The following INSYN2A variants were observed in gnomAD, a reference collection of about 807,000 sequenced individuals.
INSYN2A encodes family with sequence similarity 196 member A.
Under a neutral mutation model 39.4 loss-of-function variants are expected in INSYN2A, and 17 were observed. The ratio of observed to expected loss-of-function variants is 0.43; its 90% CI spans 0.30 to 0.65. INSYN2A has a LOEUF of 0.65. INSYN2A is among the 30% of genes least tolerant of loss of function. INSYN2A has a pLI of 0.14. For missense variants in INSYN2A, 595 were observed against 631.2 expected (o/e 0.94, Z 0.61); for synonymous variants, 255 against 265.7 (o/e 0.96, Z 0.39).
chr10:127,148,293 C>T (rs539838737), intron 5 of INSYN2A, among the ~76,000 whole-genome samples: 12 of 152,156 alleles, frequency 7.9e-5, no homozygotes, highest in Non-Finnish European at 1.5e-4. Context: ...GCAGACACAG[C>T]GTGCTCCGGG....
chr10:127,179,318 T>C (rs2055486998), intron 2 of INSYN2A, among the ~76,000 whole-genome samples: 1 of 152,200 alleles, frequency 6.6e-6, no homozygotes, highest in Non-Finnish European at 1.5e-5. Context: ...AATTCTAAGC[T>C]CTTCTCTGTT....
intron 1 of INSYN2A, 24 bp downstream of exon 1, chr10:127,195,973 G>A (rs1300800399): frequency 6.6e-6 from 1 of 152,086 alleles, no homozygotes; most frequent in African/African-American, 2.4e-5. Flanking sequence ...GGCGCGGGAG[G>A]AGGGCACGCG....
At chr10:127,147,996 AC>A (rs1476713454) in intron 5 of INSYN2A, among the ~76,000 whole-genome samples, 1 of 128,448 alleles carries the variant, frequency 7.8e-6, no homozygotes, top group Non-Finnish European at 1.6e-5. Flanking sequence ...GCACCACTGC[AC>A]TCCAGCCTGG....
At chr10:127,192,570 C>T (rs962779083) in intron 2 of INSYN2A, 35 bp downstream of exon 2, 5 of 152,200 alleles carry the variant, frequency 3.3e-5, no homozygotes, top group Admixed American at 6.5e-5. Flanking sequence ...AAAGCACGTA[C>T]GACTCAAATG....
intron 4 of INSYN2A, among the ~76,000 whole-genome samples, chr10:127,172,189 T>G (rs1163431391): frequency 1.3e-5 from 2 of 152,224 alleles, no homozygotes; most frequent in Non-Finnish European, 2.9e-5. Context: ...GCCCTGTGAA[T>G]CCCTCGTTCT....
chr10:127,177,753 G>A (rs2055313140), intron 2 of INSYN2A, among the ~76,000 whole-genome samples: 2 of 152,228 alleles, frequency 1.3e-5, no homozygotes, highest in Non-Finnish European at 2.9e-5. Flanking sequence ...TATGACATGC[G>A]CAGCATGGCC....
chr10:127,183,167 A>C (rs537025049), intron 2 of INSYN2A, among the ~76,000 whole-genome samples: 24 of 151,932 alleles, frequency 1.6e-4, no homozygotes, highest in Non-Finnish European at 2.4e-4. Flanking sequence ...TTCCCCCCTA[A>C]AAATGACTTA....
chr10:127,182,820 G>T (rs1225085353), intron 2 of INSYN2A, among the ~76,000 whole-genome samples: 1 of 151,988 alleles, frequency 6.6e-6, no homozygotes, highest in Non-Finnish European at 1.5e-5. Flanking sequence ...AGACAGGAGG[G>T]CTGTGCTTTG....
At chr10:127,140,986 C>T (rs1206452857) in intron 5 of INSYN2A, among the ~76,000 whole-genome samples, 1 of 152,178 alleles carries the variant, frequency 6.6e-6, no homozygotes, top group Non-Finnish European at 1.5e-5. Context: ...CTTCCTGCTG[C>T]CCGGCAGACC....
At chr10:127,153,254 T>C (rs2052689021) in intron 5 of INSYN2A, among the ~76,000 whole-genome samples, 1 of 152,226 alleles carries the variant, frequency 6.6e-6, no homozygotes, top group African/African-American at 2.4e-5. Context: ...CCTAAATTAC[T>C]GATGCAGGCC....
chr10:127,142,230 G>C (rs1172386899), intron 5 of INSYN2A, among the ~76,000 whole-genome samples: 4 of 152,206 alleles, frequency 2.6e-5, no homozygotes, highest in African/African-American at 9.6e-5. Context: ...CAGTGCAGGG[G>C]CTCATTCTAC....
chr10:127,164,083 A>T (rs1359316596), intron 4 of INSYN2A, among the ~76,000 whole-genome samples: 1 of 147,618 alleles, frequency 6.8e-6, no homozygotes, highest in Non-Finnish European at 1.5e-5. Flanking sequence ...GTGGCGTCCC[A>T]GGGGACGCAG....
intron 5 of INSYN2A, among the ~76,000 whole-genome samples, chr10:127,152,942 G>T (rs1162338730): frequency 6.6e-6 from 1 of 152,194 alleles, no homozygotes; most frequent in Non-Finnish European, 1.5e-5. Flanking sequence ...TTTCCCTTGG[G>T]AGAGAACCCT....
In INSYN2A at chr10:127,176,464, C is replaced by T. The variant is rs2055168899; in HGVS notation, c.-5-64G>A. On this transcript the variant is annotated intron_variant, in intron 3 of 5. Transcript: ENST00000522781. This position sits in a 1 kb window ranked among gnomAD's most constrained non-coding sequence, Gnocchi z 4.4. ...GAAATACACACTCAAGCACCGGCCGCACAAACTTTTAGCCACCACGACGAC... is the reference window on the plus strand; with the variant it reads ...GAAATACACACTCAAGCACCGGCCGTACAAACTTTTAGCCACCACGACGAC... 7.2e-7 allele frequency: 1 copy of T among 1,382,790 alleles called. No individual in the cohort carries two copies. The highest frequency in any genetic ancestry group is 9.8e-7 in the Non-Finnish European group (1 of 1,019,598). The allele number at this position is 1,382,790 out of a possible 1,614,324, so 85.7% of individuals were successfully genotyped here.
chr10:127,147,978 C>T (rs1409922625), intron 5 of INSYN2A, among the ~76,000 whole-genome samples: 2 of 136,434 alleles, frequency 1.5e-5, no homozygotes. Context: ...GTGCAGTGAG[C>T]CGAGATTGCA....
At chr10:127,139,673 G>T (rs2051035250) in intron 5 of INSYN2A, among the ~76,000 whole-genome samples, 1 of 152,174 alleles carries the variant, frequency 6.6e-6, no homozygotes, top group Non-Finnish European at 1.5e-5. Context: ...AGGACATGGG[G>T]TTTCCACCCT....
At chr10:127,172,519 CG>C (rs943115266) in intron 4 of INSYN2A, among the ~76,000 whole-genome samples, 1 of 152,092 alleles carries the variant, frequency 6.6e-6, no homozygotes, top group African/African-American at 2.4e-5. Flanking sequence ...ATGGAGAAGA[CG>C]GGTGGGAAAT....
intron 2 of INSYN2A, among the ~76,000 whole-genome samples, chr10:127,182,249 A>G (rs980989154): frequency 2.0e-5 from 3 of 152,314 alleles, no homozygotes; most frequent in East Asian, 1.9e-4. Flanking sequence ...AAGAAAACCT[A>G]TCTTAGGTTC....
chr10:127,142,186 C>T lies in INSYN2A; in HGVS notation c.1257-4166G>A, dbSNP rs550955660. ...ACCATCACGGTCCCAGGCCACCAGACGTGCTGTGTGCACCTGCTTTCCCAG... is the reference window on the plus strand; with the variant it reads ...ACCATCACGGTCCCAGGCCACCAGATGTGCTGTGTGCACCTGCTTTCCCAG... On this transcript the variant is annotated intron_variant, in intron 5 of 5. Coordinates refer to ENST00000522781, the MANE Select transcript of INSYN2A (RefSeq NM_001039762.3). 5.3e-5 allele frequency among the ~76,000 whole-genome samples: 8 copies of T among 152,322 alleles called. No homozygotes were observed. In the South Asian group the frequency reaches 1.7e-3, roughly 32 times the overall value.
Sources: allele counts gnomAD v4.1 joint callset (sites outside exome capture counted in the v4.1 genomes callset), GRCh38; gene constraint gnomAD v4.1.1; non-coding constraint Gnocchi (gnomAD v3.1); transcripts MANE v1.5; gene names NCBI Gene and HGNC (gene_info 2026-07-23, HGNC 2026-07-21).